Variants in OARD1 observed in about 807,000 individuals in gnomAD.
OARD1 encodes the protein O-acyl-ADP-ribose deacylase 1.
A neutral mutation model predicts 19.7 loss-of-function variants in OARD1; 19 were observed. That is an observed-to-expected ratio of 0.96 (90% CI 0.67 to 1.41). The LOEUF (loss-of-function observed/expected upper bound fraction) is 1.41. OARD1 is among the 40% of genes most tolerant of loss of function. OARD1 has a pLI of 0.00. For synonymous variants in OARD1, 70 were observed against 61.8 expected (o/e 1.13, Z -0.62); for missense variants, 190 against 183.8 (o/e 1.03, Z -0.20).
intron 1 of OARD1, among the ~76,000 whole-genome samples, chr6:41,093,245 T>C (rs1023052907): frequency 6.6e-6 from 1 of 152,252 alleles, no homozygotes; most frequent in African/African-American, 2.4e-5. Context: ...ATTACTAATA[T>C]GCAGCTGCAG....
upstream of OARD1, among the ~76,000 whole-genome samples, chr6:41,074,077 C>T (rs886879608): frequency 1.3e-5 from 2 of 152,236 alleles, no homozygotes; most frequent in Non-Finnish European, 2.9e-5. Flanking sequence ...TGAAATCTCC[C>T]TCCCTTGGGA....
At position 41,068,900 on chromosome 6, in the gene OARD1, A is replaced by C. The variant is rs778595425; in HGVS notation, c.297T>G (p.Ser99Arg). The change falls in exon 5 of 6, where the codon AGT becomes AGG. Residue 99 changes from serine (S) to arginine (R), a missense_variant. Coordinates refer to ENST00000424266, the MANE Select transcript of OARD1 (RefSeq NM_001329686.2). ...HKPTYENLQK[S>R]LEAMKSHCLK... Reference sequence around the variant, plus strand: ...GACAATGAGACTTCATTGCCTCTAAACTCTTCTGTAAGTTTTCATAAGTTG... The same window carrying C: ...GACAATGAGACTTCATTGCCTCTAACCTCTTCTGTAAGTTTTCATAAGTTG... 1.2e-6 allele frequency: 2 copies of C among 1,610,480 alleles called. No homozygotes were observed. Among genetic ancestry groups the C allele is most frequent in the Admixed American group, 3.4e-5 (2 of 59,520 alleles).
chr6:41,078,814 A>G (rs1489666340), intron 1 of OARD1, among the ~76,000 whole-genome samples: 1 of 152,256 alleles, frequency 6.6e-6, no homozygotes, highest in Non-Finnish European at 1.5e-5. Flanking sequence ...GGTTGCCAGT[A>G]TACTGAAAGC....
chr6:41,089,578 G>A lies in OARD1; in HGVS notation c.-42+8135C>T. ...TCCTTTTTTTATGTTCTTTTCTGCA[G>A]ATACAGTTGGTCCCACCTGGACAGA... On this transcript the variant is annotated intron_variant, in intron 1 of 4. Transcript: ENST00000480585. 6.2e-7 allele frequency: 1 copy of A among 1,605,202 alleles called. No individual in the cohort carries two copies.
At chr6:41,090,141 T>A in intron 1 of OARD1, 1 of 1,121,288 alleles carries the variant, frequency 8.9e-7, no homozygotes, top group Admixed American at 1.9e-5. Context: ...TTTTAAGGAC[T>A]ACATCGTTCT....
At chr6:41,095,637 C>G (rs897112553) in intron 1 of OARD1, among the ~76,000 whole-genome samples, 3 of 152,160 alleles carry the variant, frequency 2.0e-5, no homozygotes, top group African/African-American at 7.2e-5. Flanking sequence ...CACTTTGTTG[C>G]CCAGGCAGGT....
chr6:41,090,313 A>G (rs1436141778), intron 1 of OARD1: 17 of 1,607,686 alleles, frequency 1.1e-5, no homozygotes, highest in Non-Finnish European at 1.4e-5. Flanking sequence ...CAGCAAGGTA[A>G]GTGTACCCAT....
At chr6:41,069,745 G>A (rs1289909832) in intron 4 of OARD1, 2 of 311,590 alleles carry the variant, frequency 6.4e-6, no homozygotes, top group East Asian at 8.6e-5. Context: ...TGTCTCTTGA[G>A]ACATTATTGT....
chr6:41,073,811 G>A (rs1004578967), upstream of OARD1, among the ~76,000 whole-genome samples: 15 of 152,068 alleles, frequency 9.9e-5, no homozygotes, highest in Non-Finnish European at 1.8e-4. Context: ...CGCTCCGCCC[G>A]GGTCTCCGGC....
At chr6:41,073,018 G>C (rs1763557330), upstream of OARD1, 1 of 155,038 alleles carries the variant, frequency 6.5e-6, no homozygotes, top group African/African-American at 2.4e-5. Flanking sequence ...TGGAGCCTCT[G>C]ATTGGGTTTC....
Sources: allele counts gnomAD v4.1 joint callset (sites outside exome capture counted in the v4.1 genomes callset), GRCh38; gene constraint gnomAD v4.1.1; transcripts MANE v1.5; gene names NCBI Gene and HGNC (gene_info 2026-07-23, HGNC 2026-07-21).